CDYL: variants seen among roughly 807,000 people sequenced by gnomAD.
The protein encoded by CDYL is chromodomain Y-like protein.
A neutral mutation model predicts 47.3 loss-of-function variants in CDYL; 8 were observed. The ratio of observed to expected loss-of-function variants is 0.17; its 90% CI spans 0.10 to 0.31. CDYL has a LOEUF of 0.31. CDYL is among the 10% of genes least tolerant of loss of function. CDYL has a pLI of 1.00. For missense variants in CDYL, 471 were observed against 701.4 expected (o/e 0.67, Z 3.71); for synonymous variants, 266 against 265.0 (o/e 1.00, Z -0.04).
At chr6:4,905,388 G>A (rs1444684004) in intron 2 of CDYL, among the ~76,000 whole-genome samples, 2 of 152,146 alleles carry the variant, frequency 1.3e-5, no homozygotes, top group South Asian at 2.1e-4. Flanking sequence ...CTCCTCCCAC[G>A]AGACAGACCT....
At chr6:4,866,963 T>G (rs931682684) in intron 1 of CDYL, among the ~76,000 whole-genome samples, 2 of 152,048 alleles carry the variant, frequency 1.3e-5, no homozygotes, top group African/African-American at 4.8e-5. Flanking sequence ...TGGTTTTATT[T>G]TCAAGCTATC....
intron 3 of CDYL, among the ~76,000 whole-genome samples, chr6:4,766,782 T>A (rs1413409324): frequency 6.6e-6 from 1 of 151,758 alleles, no homozygotes; most frequent in Non-Finnish European, 1.5e-5. Flanking sequence ...GGTTGGCAGA[T>A]CATTTGAGTT....
intron 3 of CDYL, among the ~76,000 whole-genome samples, chr6:4,770,460 T>C (rs1421640710): frequency 6.6e-6 from 1 of 152,238 alleles, no homozygotes; most frequent in African/African-American, 2.4e-5. Context: ...AGGTGCTTGC[T>C]GAATTAAATA....
Position 4,832,061 on chromosome 6 carries a change from C to T in CDYL, c.24+55254C>T, listed in dbSNP as rs993666176. 8.6e-5 allele frequency among the ~76,000 whole-genome samples: 13 copies of T among 151,886 alleles called. 1 individual carries two copies. Among genetic ancestry groups the T allele is most frequent in the Admixed American group, 7.2e-4 (11 of 15,246 alleles). ...CTTCCTCTTTTCCTAATTGAATACC[C>T]TTTATTTCCTTCTCCTGCCTAATTG... is the stretch of plus-strand genomic sequence containing the variant. On this transcript the variant is annotated intron_variant, in intron 1 of 6. Transcript: ENST00000397588.
chr6:4,926,659 T>C (rs1757882465), intron 2 of CDYL, among the ~76,000 whole-genome samples: 1 of 152,224 alleles, frequency 6.6e-6, no homozygotes, highest in Non-Finnish European at 1.5e-5. Context: ...TCAAATATAT[T>C]GTAAAAATTC....
At chr6:4,889,972 T>TG in intron 1 of CDYL, 1 of 985,280 alleles carries the variant, frequency 1.0e-6, no homozygotes, top group Non-Finnish European at 1.2e-6. Context: ...ATGCTGGCCC[T>TG]GGGGGAACCA....
chr6:4,725,389 C>T (rs1310510778), intron 2 of CDYL, among the ~76,000 whole-genome samples: 1 of 152,218 alleles, frequency 6.6e-6, no homozygotes, highest in African/African-American at 2.4e-5. Flanking sequence ...GGGCGGCGCT[C>T]GTGGGGGAGG....
chr6:4,724,215 ATTT>A (rs35194498), intron 2 of CDYL, among the ~76,000 whole-genome samples: 11 of 146,486 alleles, frequency 7.5e-5, no homozygotes, highest in Admixed American at 4.1e-4. Context: ...TAATTTTTGT[ATTT>A]TTTTTTTTTA....
Position 4,821,660 on chromosome 6 carries a change from C to T in CDYL, c.24+44853C>T, listed in dbSNP as rs193110941. Among the ~76,000 whole-genome samples, 612 of 150,086 alleles carry T rather than the reference C, an allele frequency of 4.1e-3. 1 individual carries two copies. The highest frequency in any genetic ancestry group is 0.014 in the African/African-American group (566 of 40,920). ...AGGCATGAGAATCACTTGAATAACT[C>T]GGGAGGCGGAGGTTGCAGTGAACTG... is the stretch of plus-strand genomic sequence containing the variant. On this transcript the variant is annotated intron_variant, in intron 1 of 6. Coordinates refer to ENST00000397588, the MANE Select transcript of CDYL (RefSeq NM_004824.4).
chr6:4,842,945 A>G (rs1397363421), intron 1 of CDYL, among the ~76,000 whole-genome samples: 1 of 152,078 alleles, frequency 6.6e-6, no homozygotes, highest in African/African-American at 2.4e-5. Context: ...TCCTTTTAGC[A>G]GTTTTTGTTT....
At chr6:4,734,656 G>GA in intron 2 of CDYL, 11 of 1,473,934 alleles carry the variant, frequency 7.5e-6, no homozygotes, top group Non-Finnish European at 1.0e-5. Flanking sequence ...TCAGGAAGGG[G>GA]AGGGCACAGG....
chr6:4,933,493 A>G (rs1294334435), intron 2 of CDYL, among the ~76,000 whole-genome samples: 1 of 151,244 alleles, frequency 6.6e-6, no homozygotes, highest in Non-Finnish European at 1.5e-5. Context: ...GAATGGGTTG[A>G]AGAATGATGG....
At chr6:4,758,441 A>G (rs745314197) in intron 3 of CDYL, among the ~76,000 whole-genome samples, 1 of 151,300 alleles carries the variant, frequency 6.6e-6, no homozygotes, top group African/African-American at 2.4e-5. Context: ...CGGGTGGATC[A>G]CTTGAGGTCA....
At chr6:4,921,091 C>G (rs1234083993) in intron 2 of CDYL, among the ~76,000 whole-genome samples, 1 of 152,006 alleles carries the variant, frequency 6.6e-6, no homozygotes, top group East Asian at 1.9e-4. Flanking sequence ...GTCTTCAATC[C>G]AGCTGTAGGC....
intron 2 of CDYL, among the ~76,000 whole-genome samples, chr6:4,918,094 T>C (rs1669560113): frequency 6.6e-6 from 1 of 152,216 alleles, no homozygotes; most frequent in African/African-American, 2.4e-5. Flanking sequence ...AGTTGTCTTA[T>C]GAAAACAATA....
At chr6:4,796,329 CA>C (rs1759072861) in intron 1 of CDYL, among the ~76,000 whole-genome samples, 1 of 152,108 alleles carries the variant, frequency 6.6e-6, no homozygotes, top group African/African-American at 2.4e-5. Context: ...GATGTGAGAA[CA>C]TTTACATTTC....
intron 1 of CDYL, among the ~76,000 whole-genome samples, chr6:4,777,823 T>G (rs1758511874): frequency 6.6e-6 from 1 of 152,208 alleles, no homozygotes. Context: ...AGCTTTGTTG[T>G]CTGCGATGTT....
intron 1 of CDYL, chr6:4,715,719 CTT>C (rs1393393532): frequency 2.6e-5 from 42 of 1,605,414 alleles, no homozygotes; most frequent in Non-Finnish European, 3.4e-5. Flanking sequence ...GTAAATTCCT[CTT>C]GTTGGGATTG....
chr6:4,824,866 G>C (rs568392542), intron 1 of CDYL, among the ~76,000 whole-genome samples: 8 of 151,994 alleles, frequency 5.3e-5, no homozygotes, highest in Non-Finnish European at 1.0e-4. Flanking sequence ...TGCAAAAAAG[G>C]CTGTTGGATT....
Sources: gnomAD v4.1 joint callset for allele counts (sites outside exome capture counted in the v4.1 genomes callset) on GRCh38, gnomAD v4.1.1 for gene constraint, MANE v1.5 for transcripts, NCBI Gene and HGNC (gene_info 2026-07-23, HGNC 2026-07-21) for gene names.